MTHFD1L: variants seen among roughly 807,000 people sequenced by gnomAD.
The protein encoded by MTHFD1L is monofunctional C1-tetrahydrofolate synthase, mitochondrial.
Under a neutral mutation model 119.5 loss-of-function variants are expected in MTHFD1L, and 81 were observed. The observed-to-expected ratio is 0.68, with a 90% CI of 0.57 to 0.82. The LOEUF is 0.82. Ranked by LOEUF, MTHFD1L falls within the 40% of genes least tolerant of loss-of-function variation. MTHFD1L has a pLI of 0.00. For missense variants in MTHFD1L, 1,125 were observed against 1,253.4 expected, an observed-to-expected ratio of 0.90 and a Z score of 1.55; for synonymous variants, 430 against 475.2, an observed-to-expected ratio of 0.90 and a Z score of 1.24.
intron 9 of MTHFD1L, among the ~76,000 whole-genome samples, chr6:150,918,997 G>A (rs1050091870): frequency 1.3e-5 from 2 of 151,850 alleles, no homozygotes; most frequent in African/African-American, 4.8e-5. Context: ...TAGTAGATTA[G>A]CAGATTAGGT....
rs754290881 is a variant in MTHFD1L, at chr6:150,918,672, T to C, written c.984+4T>C. On this transcript the variant is annotated splice_donor_region_variant and intron_variant, in intron 9 of 27. Transcript: ENST00000367321. ...TGCTGCAGCTCTGCGAATTCAGGTT[T>C]GTTCAACATAGCTGTCTGAGAATCT... 6 of 1,610,878 alleles carry C rather than the reference T, an allele frequency of 3.7e-6. No homozygotes were observed. The South Asian group carries it at 6.6e-5, about 18-fold the overall frequency.
At chr6:150,988,576 A>G (rs1376210100) in intron 20 of MTHFD1L, among the ~76,000 whole-genome samples, 2 of 147,448 alleles carry the variant, frequency 1.4e-5, no homozygotes, top group Non-Finnish European at 1.5e-5. Flanking sequence ...TGGGGTGTAG[A>G]AAAACAGATT....
rs1797647367 is a variant in MTHFD1L, at chr6:150,969,006, G to A, written c.2014-2941G>A. Among the ~76,000 whole-genome samples the A allele has an allele frequency of 2.0e-5, 3 of 151,656 alleles. No homozygotes were observed. The South Asian group carries it at 6.3e-4, about 32-fold the overall frequency. On this transcript the variant is annotated intron_variant, in intron 19 of 27. Transcript: ENST00000367321. ...TGGGATTACAGGCGCCCGCTACCAT[G>A]CCTGGCTAATTTTTGTATTTTTAGT...
At chr6:151,085,476 C>T (rs1055317642) in intron 26 of MTHFD1L, among the ~76,000 whole-genome samples, 1 of 152,090 alleles carries the variant, frequency 6.6e-6, no homozygotes, top group African/African-American at 2.4e-5. Context: ...GTAAAGAAAG[C>T]AAAACATTTT....
intron 11 of MTHFD1L, among the ~76,000 whole-genome samples, chr6:150,933,711 C>T (rs904056620): frequency 6.6e-6 from 1 of 152,184 alleles, no homozygotes; most frequent in African/African-American, 2.4e-5. Context: ...CTTTCCTGTT[C>T]TGGAAACAGT....
At chr6:150,988,246 T>A (rs958500616) in intron 20 of MTHFD1L, among the ~76,000 whole-genome samples, 7 of 152,228 alleles carry the variant, frequency 4.6e-5, no homozygotes, top group Admixed American at 4.6e-4. Context: ...TGAGAATTTT[T>A]AAAAATATCC....
At chr6:150,948,514 G>T (rs1037458147) in intron 15 of MTHFD1L, among the ~76,000 whole-genome samples, 4 of 151,492 alleles carry the variant, frequency 2.6e-5, no homozygotes, top group Non-Finnish European at 4.4e-5. Context: ...AGTAGAGACG[G>T]GGATTCACCA....
intron 7 of MTHFD1L, among the ~76,000 whole-genome samples, chr6:150,896,535 G>A (rs1784251043): frequency 6.6e-6 from 1 of 152,156 alleles, no homozygotes; most frequent in Non-Finnish European, 1.5e-5. Context: ...GAGTGGCTGA[G>A]GTCATCAGTA....
At chr6:151,090,936 G>A (rs1282348643) in intron 26 of MTHFD1L, among the ~76,000 whole-genome samples, 1 of 131,548 alleles carries the variant, frequency 7.6e-6, no homozygotes, top group African/African-American at 3.1e-5. Context: ...GCGACTGGGT[G>A]CAGCATCGTT....
Position 150,877,844 on chromosome 6 carries a change from C to G in MTHFD1L, c.417+18C>G. 2 of 1,614,118 alleles carry G rather than the reference C, an allele frequency of 1.2e-6. No homozygotes were observed. The highest frequency in any genetic ancestry group is 1.7e-6 in the Non-Finnish European group (2 of 1,179,950). On this transcript the variant is annotated intron_variant, in intron 4 of 27. Coordinates refer to ENST00000367321, the MANE Select transcript of MTHFD1L (RefSeq NM_015440.5). Reference sequence around the variant, plus strand: ...AAGCCGAGGTAATAATGGCAGAGCTCTAAACTCTTGCTTCTTCTTTCCTCT... The same window carrying G: ...AAGCCGAGGTAATAATGGCAGAGCTGTAAACTCTTGCTTCTTCTTTCCTCT...
At chr6:151,090,575 G>C (rs529465156) in intron 26 of MTHFD1L, among the ~76,000 whole-genome samples, 1 of 152,242 alleles carries the variant, frequency 6.6e-6, no homozygotes, top group Non-Finnish European at 1.5e-5. Flanking sequence ...GGGAAACCTC[G>C]AGTCACGACT....
chr6:150,994,094 A>G (rs803504), intron 20 of MTHFD1L, among the ~76,000 whole-genome samples: 7 of 119,540 alleles, frequency 5.9e-5, no homozygotes, highest in African/African-American at 2.2e-4. Context: ...AGAAAGAAAG[A>G]AAGTGACCCA....
At chr6:150,933,471 TA>T (rs1791513963) in intron 11 of MTHFD1L, among the ~76,000 whole-genome samples, 1 of 152,074 alleles carries the variant, frequency 6.6e-6, no homozygotes, top group South Asian at 2.1e-4. Flanking sequence ...TATCTTTGTA[TA>T]ACTTTCAGTC....
rs937022322 is a variant in MTHFD1L at position 150,942,512 on chromosome 6, AAATG to A, written c.1441-1969_1441-1966del. ...TCATTTTTAGTGTACCCTAAGGAAAAAATGAATGTATGGGAATATAGATCATTTT... is the reference window on the plus strand; with the variant it reads ...TCATTTTTAGTGTACCCTAAGGAAAAAATGTATGGGAATATAGATCATTTT... On this transcript the variant is annotated intron_variant, in intron 13 of 27. Coordinates refer to ENST00000367321, the MANE Select transcript of MTHFD1L (RefSeq NM_015440.5). Among the ~76,000 whole-genome samples the A allele has an allele frequency of 4.6e-5, 7 of 152,298 alleles. 1 individual carries two copies. The highest frequency in any genetic ancestry group is 2.9e-5 in the Non-Finnish European group (2 of 68,024).
At chr6:150,866,457 G>A in intron 1 of MTHFD1L, 1 of 1,322,476 alleles carries the variant, frequency 7.6e-7, no homozygotes, top group Non-Finnish European at 9.6e-7. Flanking sequence ...GCGGGGCTGC[G>A]GCTCGGCGCG....
intron 26 of MTHFD1L, among the ~76,000 whole-genome samples, chr6:151,076,913 C>G (rs919612581): frequency 6.6e-6 from 1 of 152,144 alleles, no homozygotes; most frequent in Non-Finnish European, 1.5e-5. Context: ...TAATAATATA[C>G]AGTAAGCTTT....
intron 10 of MTHFD1L, among the ~76,000 whole-genome samples, chr6:150,922,704 T>C (rs175854): frequency 0.82 from 118,947 of 145,340 alleles, 48,962 homozygotes; most frequent in East Asian, 1. Context: ...AGTGCAATGG[T>C]GCGATCTCGG....
intron 10 of MTHFD1L, among the ~76,000 whole-genome samples, chr6:150,924,571 G>A (rs1789598946): frequency 6.6e-6 from 1 of 152,140 alleles, no homozygotes; most frequent in Non-Finnish European, 1.5e-5. Flanking sequence ...CCGCCTCCCA[G>A]GTTCAAGTGA....
chr6:151,010,398 G>A (rs1259759886), intron 21 of MTHFD1L, among the ~76,000 whole-genome samples: 17 of 152,216 alleles, frequency 1.1e-4, no homozygotes, highest in Admixed American at 1.0e-3. Flanking sequence ...TTCATTGTTT[G>A]TACAGATAGT....
Sources: gnomAD v4.1 joint callset for allele counts (sites outside exome capture counted in the v4.1 genomes callset) on GRCh38, gnomAD v4.1.1 for gene constraint, MANE v1.5 for transcripts, NCBI Gene and HGNC (gene_info 2026-07-23, HGNC 2026-07-21) for gene names.